The following LDLRAD3 variants were observed in gnomAD, a reference collection of about 807,000 sequenced individuals.
LDLRAD3 encodes low-density lipoprotein receptor class A domain-containing protein 3.
Under a neutral mutation model 29.4 loss-of-function variants are expected in LDLRAD3, and 20 were observed. The observed-to-expected ratio is 0.68, with a 90% CI of 0.48 to 0.99. The LOEUF (loss-of-function observed/expected upper bound fraction) is 0.99. Ranked by LOEUF, LDLRAD3 falls within the 50% of genes least tolerant of loss-of-function variation. The pLI, the probability that LDLRAD3 is intolerant of heterozygous loss-of-function variation, is 0.00. For synonymous variants in LDLRAD3, 157 were observed against 192.7 expected, an observed-to-expected ratio of 0.81 and a Z score of 1.53; for missense variants, 420 against 454.3, an observed-to-expected ratio of 0.92 and a Z score of 0.69.
chr11:36,179,400 G>T (rs193113333), intron 4 of LDLRAD3, among the ~76,000 whole-genome samples: 1 of 152,276 alleles, frequency 6.6e-6, no homozygotes, highest in East Asian at 1.9e-4. Flanking sequence ...CTTGAACCCA[G>T]GAGGTGGTGG....
intron 1 of LDLRAD3, among the ~76,000 whole-genome samples, chr11:36,005,955 C>T (rs1016098894): frequency 2.6e-5 from 4 of 152,162 alleles, no homozygotes; most frequent in African/African-American, 4.8e-5. Flanking sequence ...GGAAATCCAT[C>T]CCCATGATTC....
At chr11:36,209,176 A>G (rs774309023) in intron 4 of LDLRAD3, among the ~76,000 whole-genome samples, 1 of 152,172 alleles carries the variant, frequency 6.6e-6, no homozygotes, top group Non-Finnish European at 1.5e-5. Flanking sequence ...AAGACTGAGA[A>G]ACTGTCACCG....
chr11:36,162,673 C>G (rs978850056), intron 4 of LDLRAD3, among the ~76,000 whole-genome samples: 35 of 152,184 alleles, frequency 2.3e-4, no homozygotes, highest in Non-Finnish European at 1.0e-4. Context: ...GGAGCTAAGC[C>G]GTGGTCCCTA....
chr11:36,199,102 T>G (rs1202903183), intron 4 of LDLRAD3, among the ~76,000 whole-genome samples: 2 of 152,222 alleles, frequency 1.3e-5, no homozygotes, highest in South Asian at 2.1e-4. Context: ...GGGTTTCACC[T>G]TATTAGCCAG....
chr11:36,132,098 C>G (rs1853934728), intron 4 of LDLRAD3, among the ~76,000 whole-genome samples: 1 of 151,528 alleles, frequency 6.6e-6, no homozygotes, highest in African/African-American at 2.4e-5. Flanking sequence ...AAACTTACAA[C>G]TAAAATTCAT....
chr11:36,014,295 T>G (rs1341709691), intron 1 of LDLRAD3, among the ~76,000 whole-genome samples: 8 of 152,178 alleles, frequency 5.3e-5, no homozygotes. Flanking sequence ...GACAGACAGA[T>G]AGACAGAGAG....
chr11:36,177,270 C>T (rs555471267), intron 4 of LDLRAD3, among the ~76,000 whole-genome samples: 14 of 152,148 alleles, frequency 9.2e-5, no homozygotes, highest in Non-Finnish European at 1.9e-4. Flanking sequence ...TTCTCTGGTG[C>T]CTCCATGAGT....
chr11:36,072,489 C>T (rs920560314), intron 2 of LDLRAD3, among the ~76,000 whole-genome samples: 2 of 152,210 alleles, frequency 1.3e-5, no homozygotes, highest in Non-Finnish European at 2.9e-5. Flanking sequence ...GCCTTCTATA[C>T]AAGGCCTGGA....
chr11:36,173,527 T>C (rs958616032), intron 4 of LDLRAD3, among the ~76,000 whole-genome samples: 46 of 152,040 alleles, frequency 3.0e-4, no homozygotes, highest in African/African-American at 1.1e-3. Flanking sequence ...CATCCTTTTT[T>C]ATGGCTGCAT....
At chr11:36,051,694 C>T (rs778786287) in intron 2 of LDLRAD3, among the ~76,000 whole-genome samples, 2 of 151,718 alleles carry the variant, frequency 1.3e-5, no homozygotes, top group Non-Finnish European at 2.9e-5. Flanking sequence ...CATAAATTTT[C>T]GGAATGAATA....
intron 4 of LDLRAD3, among the ~76,000 whole-genome samples, chr11:36,156,566 TTTTG>T (rs1342609142): frequency 6.6e-6 from 1 of 152,120 alleles, no homozygotes; most frequent in African/African-American, 2.4e-5. Flanking sequence ...ACAGATTGGG[TTTTG>T]TTTGTTTACC....
chr11:36,116,699 TAAC>T (rs1853679936), intron 4 of LDLRAD3, among the ~76,000 whole-genome samples: 1 of 152,016 alleles, frequency 6.6e-6, no homozygotes, highest in Admixed American at 6.6e-5. Context: ...AATAAAAAAA[TAAC>T]AACTGGCACT....
chr11:35,945,330 C>T (rs1016746927), intron 1 of LDLRAD3, among the ~76,000 whole-genome samples: 1 of 152,204 alleles, frequency 6.6e-6, no homozygotes, highest in Admixed American at 6.5e-5. Context: ...TCCTTGATGT[C>T]CCTGGTCCTG....
chr11:36,019,680 G>C lies in LDLRAD3; in HGVS notation c.47-16423G>C, dbSNP rs555506443. Among the ~76,000 whole-genome samples the C allele has an allele frequency of 3.3e-5, 5 of 152,308 alleles. No homozygotes were observed. In the South Asian group the frequency reaches 1.0e-3, roughly 32 times the overall value. ...GGGCTTGTGCCTTTGCCTGCTCTGG[G>C]TGAGAGTCCCAGAGCACAGTAGCCC... On this transcript the variant is annotated intron_variant, in intron 1 of 5. Transcript: ENST00000315571.
At chr11:35,993,549 G>A (rs1386452130) in intron 1 of LDLRAD3, among the ~76,000 whole-genome samples, 1 of 151,458 alleles carries the variant, frequency 6.6e-6, no homozygotes, top group South Asian at 2.1e-4. Flanking sequence ...CATAGAAAAT[G>A]AAGAAAAGAC....
At chr11:36,124,867 T>C (rs927610759) in intron 4 of LDLRAD3, among the ~76,000 whole-genome samples, 1 of 152,060 alleles carries the variant, frequency 6.6e-6, no homozygotes, top group Non-Finnish European at 1.5e-5. Context: ...AATTTTGGTA[T>C]TTTTAGTAGA....
chr11:36,039,249 G>GT (rs1326519903), intron 2 of LDLRAD3, among the ~76,000 whole-genome samples: 1 of 152,154 alleles, frequency 6.6e-6, no homozygotes, highest in African/African-American at 2.4e-5. Flanking sequence ...GATTACAGGC[G>GT]TGAGCCACCG....
chr11:36,012,108 G>A (rs577137792), intron 1 of LDLRAD3, among the ~76,000 whole-genome samples: 1 of 152,248 alleles, frequency 6.6e-6, no homozygotes, highest in South Asian at 2.1e-4. Flanking sequence ...ATATTCTATA[G>A]TAGTCTCCCC....
At chr11:36,056,722 A>T (rs1852626634) in intron 2 of LDLRAD3, among the ~76,000 whole-genome samples, 2 of 152,228 alleles carry the variant, frequency 1.3e-5, no homozygotes, top group Admixed American at 6.5e-5. Context: ...GGCTTGAAGC[A>T]TCAGAACCTT....
Sources: allele counts gnomAD v4.1 joint callset (sites outside exome capture counted in the v4.1 genomes callset), GRCh38; gene constraint gnomAD v4.1.1; transcripts MANE v1.5; gene names NCBI Gene and HGNC (gene_info 2026-07-23, HGNC 2026-07-21).